FOXN3: variants seen among roughly 807,000 people sequenced by gnomAD.
The protein encoded by FOXN3 is forkhead box protein N3.
A neutral mutation model predicts 38.4 loss-of-function variants in FOXN3; 7 were observed. The observed-to-expected ratio is 0.18, with a 90% CI of 0.10 to 0.34. The LOEUF (loss-of-function observed/expected upper bound fraction) is 0.34. Among genes scored for constraint, FOXN3 ranks in the 10% least tolerant of loss-of-function variants. The probability of loss-of-function intolerance (pLI) is 1.00; values close to 1 mark genes in which losing one functional copy is unlikely to be tolerated. For synonymous variants in FOXN3, 230 were observed against 242.2 expected, an observed-to-expected ratio of 0.95 and a Z score of 0.47; for missense variants, 456 against 613.4, an observed-to-expected ratio of 0.74 and a Z score of 2.71.
At chr14:89,498,266 G>C (rs1315166817) in intron 1 of FOXN3, among the ~76,000 whole-genome samples, 1 of 136,648 alleles carries the variant, frequency 7.3e-6, no homozygotes, top group Non-Finnish European at 1.5e-5. Context: ...GCCCAGGCTG[G>C]AGTACGGTGG....
intron 4 of FOXN3, among the ~76,000 whole-genome samples, chr14:89,226,326 A>G (rs1168441832): frequency 6.6e-6 from 1 of 152,130 alleles, no homozygotes; most frequent in Non-Finnish European, 1.5e-5. Context: ...CCTAGGCTTA[A>G]GTGATCTTCA....
chr14:89,425,046 T>G (rs1281410400), intron 1 of FOXN3, among the ~76,000 whole-genome samples: 1 of 136,584 alleles, frequency 7.3e-6, no homozygotes, highest in African/African-American at 2.7e-5. Flanking sequence ...TGTTGTGTTT[T>G]GTTTTGTTTT....
At position 89,162,970 on chromosome 14, in the gene FOXN3, C is replaced by T; in HGVS notation, c.852-1G>A. ...CATCCGGCAGCTGGTGATGCCATTC[C>T]TGCAGAGCGAGGACAGTGGGGAGGG... On this transcript the variant is annotated splice_acceptor_variant, in intron 5 of 5. Coordinates refer to ENST00000557258, the MANE Select transcript of FOXN3 (RefSeq NM_005197.4). LOFTEE classifies it high-confidence loss of function. This position sits in a 1 kb window ranked among gnomAD's most constrained non-coding sequence, Gnocchi z 7.2. 1 of 1,553,482 alleles carries T rather than the reference C, an allele frequency of 6.4e-7. No homozygotes were observed. Among genetic ancestry groups the T allele is most frequent in the Non-Finnish European group, 8.7e-7 (1 of 1,146,268 alleles).
chr14:89,457,806 A>G (rs1009065917), intron 1 of FOXN3, among the ~76,000 whole-genome samples: 2 of 152,072 alleles, frequency 1.3e-5, no homozygotes, highest in African/African-American at 4.8e-5. Context: ...TGAGGTCGGG[A>G]GTTCGAGACC....
chr14:89,606,365 G>C (rs1328209677), intron 1 of FOXN3, among the ~76,000 whole-genome samples: 1 of 151,932 alleles, frequency 6.6e-6, no homozygotes, highest in Admixed American at 6.5e-5. Flanking sequence ...GACTATGCCA[G>C]ATAATAGAAA....
intron 4 of FOXN3, among the ~76,000 whole-genome samples, chr14:89,233,973 C>T (rs908412511): frequency 1.3e-5 from 2 of 152,170 alleles, no homozygotes; most frequent in African/African-American, 4.8e-5. Context: ...TCACTCCATC[C>T]TCCCCTCACC....
intron 4 of FOXN3, among the ~76,000 whole-genome samples, chr14:89,269,375 T>C (rs1242783530): frequency 1.3e-5 from 2 of 152,170 alleles, no homozygotes; most frequent in Non-Finnish European, 2.9e-5. Flanking sequence ...TCTCTGAAAC[T>C]AGTCTTTGCA....
At chr14:89,334,026 TACAC>T (rs34061100) in intron 3 of FOXN3, among the ~76,000 whole-genome samples, 26 of 127,146 alleles carry the variant, frequency 2.0e-4, no homozygotes, top group South Asian at 8.4e-4. Flanking sequence ...AAATGTGGTA[TACAC>T]ACACACACAC....
At chr14:89,187,860 C>A (rs1174529615) in intron 4 of FOXN3, among the ~76,000 whole-genome samples, 1 of 152,206 alleles carries the variant, frequency 6.6e-6, no homozygotes, top group East Asian at 1.9e-4. Flanking sequence ...GGGGTCCTTA[C>A]AACCTGCTCC....
At chr14:89,275,298 G>T (rs889981684) in intron 4 of FOXN3, among the ~76,000 whole-genome samples, 1 of 152,110 alleles carries the variant, frequency 6.6e-6, no homozygotes, top group Non-Finnish European at 1.5e-5. Context: ...GACACAGCTG[G>T]CTGAAGGTAA....
intron 1 of FOXN3, among the ~76,000 whole-genome samples, chr14:89,535,438 T>C (rs2139841860): frequency 6.6e-6 from 1 of 152,324 alleles, no homozygotes; most frequent in East Asian, 1.9e-4. Context: ...GAATTATTAT[T>C]CTTGAGCTTC....
At chr14:89,314,627 G>A (rs890150775) in intron 3 of FOXN3, among the ~76,000 whole-genome samples, 2 of 152,056 alleles carry the variant, frequency 1.3e-5, no homozygotes, top group Non-Finnish European at 2.9e-5. Context: ...AATAAGTGTC[G>A]TGCAACACAC....
intron 1 of FOXN3, among the ~76,000 whole-genome samples, chr14:89,549,858 C>A (rs1894965323): frequency 6.6e-6 from 1 of 152,218 alleles, no homozygotes. Flanking sequence ...TATCTCCAGT[C>A]TGCCTGAGGG....
At chr14:89,467,827 T>G (rs1409673795) in intron 1 of FOXN3, among the ~76,000 whole-genome samples, 20 of 139,130 alleles carry the variant, frequency 1.4e-4, no homozygotes, top group Non-Finnish European at 2.8e-4. Flanking sequence ...TTTTTTTTTT[T>G]TGGGTAGAGA....
At chr14:89,554,508 T>C (rs990515321) in intron 1 of FOXN3, among the ~76,000 whole-genome samples, 1 of 152,250 alleles carries the variant, frequency 6.6e-6, no homozygotes, top group Non-Finnish European at 1.5e-5. Flanking sequence ...TGTTCACTTT[T>C]GGTTTTCCAT....
intron 1 of FOXN3, among the ~76,000 whole-genome samples, chr14:89,533,896 T>C (rs1299695201): frequency 6.6e-6 from 1 of 151,888 alleles, no homozygotes; most frequent in Non-Finnish European, 1.5e-5. Flanking sequence ...GTTTTCGTTC[T>C]TCTTTCTTTG....
At chr14:89,293,475 G>A (rs138996586) in intron 3 of FOXN3, among the ~76,000 whole-genome samples, 5 of 152,252 alleles carry the variant, frequency 3.3e-5, no homozygotes, top group Non-Finnish European at 7.4e-5. Flanking sequence ...GGCCTCCCTC[G>A]CAGCTGCTGG....
intron 1 of FOXN3, among the ~76,000 whole-genome samples, chr14:89,464,512 T>A (rs965259534): frequency 2.6e-5 from 4 of 152,164 alleles, no homozygotes. Context: ...TAACTTTGTT[T>A]ATAAAATGGG....
At chr14:89,215,304 A>G (rs10136081) in intron 4 of FOXN3, among the ~76,000 whole-genome samples, 2,719 of 151,964 alleles carry the variant, frequency 0.018, 79 homozygotes, top group African/African-American at 0.062. Context: ...TCCTTCCTCA[A>G]ATATCTTTTT....
Sources: allele counts gnomAD v4.1 joint callset (sites outside exome capture counted in the v4.1 genomes callset), GRCh38; gene constraint gnomAD v4.1.1; non-coding constraint Gnocchi (gnomAD v3.1); transcripts MANE v1.5; gene names NCBI Gene and HGNC (gene_info 2026-07-23, HGNC 2026-07-21).